Variants in FAM178B observed in about 807,000 individuals in gnomAD.
The protein encoded by FAM178B is protein FAM178B.
In FAM178B, 82 loss-of-function variants were observed where a neutral mutation model predicts 91.7. The observed-to-expected ratio is 0.89, with a 90% CI of 0.75 to 1.07. The LOEUF is 1.07. FAM178B is among the 50% of genes least tolerant of loss of function. The pLI is 0.00. For synonymous variants in FAM178B, 368 were observed against 359.4 expected, an observed-to-expected ratio of 1.02 and a Z score of -0.27; for missense variants, 769 against 846.7, an observed-to-expected ratio of 0.91 and a Z score of 1.14.
intron 16 of FAM178B, among the ~76,000 whole-genome samples, chr2:96,877,355 T>G (rs2080267859): frequency 6.6e-6 from 1 of 151,860 alleles, no homozygotes; most frequent in African/African-American, 2.4e-5. Flanking sequence ...TCCTGAGGAC[T>G]GCGCTTCTCT....
rs2081381656 is a variant in FAM178B, at chr2:96,923,520, G to A, written c.1257C>T (p.Ala419=). Residue 419 remains alanine, a synonymous_variant, in exon 10 of 17, where the codon GCC becomes GCT. Coordinates refer to ENST00000490605, the MANE Select transcript of FAM178B (RefSeq NM_001122646.3). ...AGATGTGGCCCAGGCTGATGTCCAA[G>A]GCAATCTCTTGGGGAGCGTCCTGCT... ...NEEQDAPQEI[A]LDISLGHIYK... The A allele has an allele frequency of 1.3e-6, 2 of 1,551,596 alleles. No homozygotes were observed. The highest frequency in any genetic ancestry group is 2.4e-5 in the East Asian group (1 of 40,926).
chr2:96,962,077 G>A lies in FAM178B; in HGVS notation c.735-1637C>T, dbSNP rs1198722444. Among the ~76,000 whole-genome samples the A allele has an allele frequency of 3.9e-5, 6 of 152,146 alleles. 1 individual carries two copies. The highest frequency in any genetic ancestry group is 3.3e-4 in the Admixed American group (5 of 15,260). ...AGCACTATGGGAGGCTGAGGTGGGCGGATCACCTGAGGTCGGGAGTTCAAG... is the reference window on the plus strand; with the variant it reads ...AGCACTATGGGAGGCTGAGGTGGGCAGATCACCTGAGGTCGGGAGTTCAAG... On this transcript the variant is annotated intron_variant, in intron 5 of 16. Transcript: ENST00000490605.
At position 96,972,171 on chromosome 2, in the gene FAM178B, C is replaced by T. The variant is rs2082230263; in HGVS notation, c.294G>A (p.Lys98=). 4 of 1,546,376 alleles carry T rather than the reference C, an allele frequency of 2.6e-6. No individual in the cohort carries two copies. In the Admixed American group the frequency reaches 8.0e-5, roughly 31 times the overall value. ...GAAACGTTTCCCCAGGTGCCTGTAT[C>T]TTGGGCTTCTTTGGCGATGTGGGAG... ...APAPTSPKKP[K]IQAPGETFPT... Residue 98 remains lysine, a synonymous_variant, in exon 3 of 17, where the codon AAG becomes AAA. Transcript: ENST00000490605.
chr2:96,955,398 C>T (rs530273430), intron 6 of FAM178B, among the ~76,000 whole-genome samples: 1 of 152,196 alleles, frequency 6.6e-6, no homozygotes, highest in Non-Finnish European at 1.5e-5. Context: ...GTAGGCCCAG[C>T]TACTCGGGAG....
intron 15 of FAM178B, 58 bp downstream of exon 15, chr2:96,878,358 T>TG: frequency 1.3e-6 from 2 of 1,520,452 alleles, no homozygotes; most frequent in Non-Finnish European, 1.8e-6. Flanking sequence ...CCCCGCCGCT[T>TG]GGGGGAGAAG....
At chr2:96,921,865 A>C (rs931093022) in intron 10 of FAM178B, among the ~76,000 whole-genome samples, 11 of 152,068 alleles carry the variant, frequency 7.2e-5, no homozygotes, top group Non-Finnish European at 1.6e-4. Context: ...GAGGCGTTTG[A>C]ACCAGAGCAA....
At chr2:96,974,977 G>C (rs1367165264) in intron 1 of FAM178B, among the ~76,000 whole-genome samples, 1 of 151,428 alleles carries the variant, frequency 6.6e-6, no homozygotes, top group African/African-American at 2.4e-5. Context: ...TGTAATCCCA[G>C]CTACTCGGGA....
At chr2:96,906,240 T>G (rs1277946208) in intron 12 of FAM178B, among the ~76,000 whole-genome samples, 1 of 149,290 alleles carries the variant, frequency 6.7e-6, no homozygotes, top group Non-Finnish European at 1.5e-5. Flanking sequence ...CTTGCTCTGT[T>G]TCCCAGGCTG....
At chr2:96,894,312 A>C (rs2080757211) in intron 13 of FAM178B, among the ~76,000 whole-genome samples, 1 of 142,742 alleles carries the variant, frequency 7.0e-6, no homozygotes, top group African/African-American at 2.6e-5. Flanking sequence ...CCACACACAC[A>C]CAGACCCACA....
In FAM178B at chr2:96,952,576, C is replaced by T. The variant is rs549745763; in HGVS notation, c.888-1092G>A. Reference sequence around the variant, plus strand: ...TGACCTACAAGATTCCAGATCTTTGCAAAATGAGTTGTTGAAATGTTTCAT... The same window carrying T: ...TGACCTACAAGATTCCAGATCTTTGTAAAATGAGTTGTTGAAATGTTTCAT... On this transcript the variant is annotated intron_variant, in intron 6 of 16. Transcript: ENST00000490605. Among the ~76,000 whole-genome samples, 4 of 152,292 alleles carry T rather than the reference C, an allele frequency of 2.6e-5. No homozygotes were observed. In the South Asian group the frequency reaches 8.3e-4, roughly 32 times the overall value.
chr2:96,977,384 CAAAAAAAA>C (rs754852439), intron 1 of FAM178B, among the ~76,000 whole-genome samples: 1 of 24,532 alleles, frequency 4.1e-5, no homozygotes. Flanking sequence ...GACTCCGTCT[CAAAAAAAA>C]AAAAAAAAAA....
At position 96,923,580 on chromosome 2, in the gene FAM178B, C is replaced by T; in HGVS notation, c.1197G>A (p.Val399=). The change falls in exon 10 of 17, where the codon GTG becomes GTA. Residue 399 remains valine (V), a synonymous_variant. Coordinates refer to ENST00000490605, the MANE Select transcript of FAM178B (RefSeq NM_001122646.3). ...CATTCAGGCCAGCCTCGCCTGGAAG[C>T]ACCCTGTGGTAAGACAACAACAGTG... The part of the protein sequence containing the change: ...PLGPFWHGGR[V]LPGEAGLNEN... 2 of 1,551,488 alleles carry T rather than the reference C, an allele frequency of 1.3e-6. No individual in the cohort carries two copies. The highest frequency in any genetic ancestry group is 1.7e-6 in the Non-Finnish European group (2 of 1,146,812).
chr2:96,948,888 C>G (rs571248352), intron 7 of FAM178B, among the ~76,000 whole-genome samples: 2 of 152,270 alleles, frequency 1.3e-5, no homozygotes, highest in African/African-American at 4.8e-5. Context: ...CTCCAGAGCC[C>G]AGTGGGACTC....
At chr2:96,887,173 C>A (rs1257398090) in intron 14 of FAM178B, among the ~76,000 whole-genome samples, 16 of 152,090 alleles carry the variant, frequency 1.1e-4, no homozygotes, top group African/African-American at 2.4e-5. Context: ...CAAGATCATG[C>A]CACTGCACTC....
At chr2:96,892,530 C>A (rs556436623) in intron 14 of FAM178B, among the ~76,000 whole-genome samples, 70 of 152,260 alleles carry the variant, frequency 4.6e-4, no homozygotes, top group African/African-American at 1.6e-3. Context: ...TGAGAATAGT[C>A]CTCTAAAGAA....
intron 12 of FAM178B, among the ~76,000 whole-genome samples, chr2:96,916,974 G>A (rs1453888814): frequency 1.3e-5 from 2 of 152,186 alleles, no homozygotes; most frequent in African/African-American, 4.8e-5. Flanking sequence ...GCACAGTGGA[G>A]CAGCAGCTCA....
chr2:96,947,735 G>A, intron 8 of FAM178B, 83 bp downstream of exon 8: 2 of 775,422 alleles, frequency 2.6e-6, no homozygotes, highest in South Asian at 1.6e-5. Flanking sequence ...CTCGCCTGCA[G>A]CTGGGCTCTG....
chr2:96,930,691 G>A (rs2081526057), intron 8 of FAM178B, among the ~76,000 whole-genome samples: 1 of 152,162 alleles, frequency 6.6e-6, no homozygotes. Context: ...CAGCTAAGAG[G>A]GTGCTATGTT....
chr2:96,951,380 TG>T lies in FAM178B; in HGVS notation c.991del (p.Gln331SerfsTer3). On this transcript the variant is annotated frameshift_variant and splice_region_variant, in exon 7 of 17. Transcript: ENST00000490605. LOFTEE classifies it high-confidence loss of function. Reference protein sequence around the residue: ...CPVSLLQWLFQLLTWPPETSL... With the variant: ...CPVSLLQWLFXLLTWPPETSL... ...TAGTGGCAGGCCTGCGGTCCTCACC[TG>T]GAACAGCCACTGGAGCAGGGATACC... 6.5e-7 allele frequency: 1 copy of T among 1,549,508 alleles called. No homozygotes were observed. The highest frequency in any genetic ancestry group is 8.7e-7 in the Non-Finnish European group (1 of 1,145,472).
Sources: allele counts gnomAD v4.1 joint callset (sites outside exome capture counted in the v4.1 genomes callset), GRCh38; gene constraint gnomAD v4.1.1; transcripts MANE v1.5; gene names NCBI Gene and HGNC (gene_info 2026-07-23, HGNC 2026-07-21).